The following ZNF423 variants were observed in gnomAD, a reference collection of about 807,000 sequenced individuals.
The protein encoded by ZNF423 is zinc finger protein 423.
ZNF423 carries 12 observed loss-of-function variants against 95.8 expected under a neutral mutation model. The observed-to-expected ratio is 0.13, with a 90% CI of 0.08 to 0.20. The LOEUF is 0.20. ZNF423 is among the 10% of genes least tolerant of loss of function. The pLI, the probability that ZNF423 is intolerant of heterozygous loss-of-function variation, is 1.00. For missense variants in ZNF423, 1,316 were observed against 1,737.1 expected (o/e 0.76, Z 4.31); for synonymous variants, 749 against 711.9 (o/e 1.05, Z -0.83).
intron 7 of ZNF423, among the ~76,000 whole-genome samples, chr16:49,501,859 T>G (rs893001760): frequency 2.7e-5 from 4 of 149,130 alleles, no homozygotes; most frequent in Admixed American, 1.3e-4. Flanking sequence ...TTGGGAGCAA[T>G]AGAAACTGGG....
intron 2 of ZNF423, among the ~76,000 whole-genome samples, chr16:49,771,110 A>C (rs541336720): frequency 4.1e-4 from 62 of 151,654 alleles, no homozygotes; most frequent in African/African-American, 1.4e-3. Context: ...ACTAAGCATA[A>C]CACCACCGAT....
intron 1 of ZNF423, among the ~76,000 whole-genome samples, chr16:49,830,845 A>G (rs1017313096): frequency 6.6e-6 from 1 of 152,084 alleles, no homozygotes; most frequent in Non-Finnish European, 1.5e-5. Context: ...TTCTCATCCT[A>G]GGAGATCTCA....
chr16:49,568,428 C>T (rs1970259312), intron 5 of ZNF423, among the ~76,000 whole-genome samples: 1 of 152,280 alleles, frequency 6.6e-6, no homozygotes, highest in East Asian at 1.9e-4. Context: ...GCCCTAGTTT[C>T]AGCAGCAGTG....
chr16:49,692,731 G>A (rs548492121), intron 3 of ZNF423, among the ~76,000 whole-genome samples: 5 of 152,224 alleles, frequency 3.3e-5, no homozygotes, highest in Non-Finnish European at 7.3e-5. Context: ...CAACATGCTA[G>A]ACAAAAGGCC....
chr16:49,838,774 G>A (rs1302893610), intron 1 of ZNF423, among the ~76,000 whole-genome samples: 2 of 151,800 alleles, frequency 1.3e-5, no homozygotes, highest in East Asian at 3.9e-4. Flanking sequence ...GAGCTGCGCA[G>A]CCTGCGCCTT....
At chr16:49,837,982 C>G (rs192077405) in intron 1 of ZNF423, among the ~76,000 whole-genome samples, 16 of 152,338 alleles carry the variant, frequency 1.1e-4, no homozygotes, top group African/African-American at 3.8e-4. Flanking sequence ...TGTCTTGCTA[C>G]TAAGCCGTAA....
chr16:49,812,057 C>T (rs753917901), intron 1 of ZNF423, among the ~76,000 whole-genome samples: 5 of 152,254 alleles, frequency 3.3e-5, no homozygotes, highest in Non-Finnish European at 5.9e-5. Context: ...CCGCTGAGCA[C>T]CGGTGACTAG....
At chr16:49,579,361 G>A (rs577255122) in intron 5 of ZNF423, among the ~76,000 whole-genome samples, 1 of 152,106 alleles carries the variant, frequency 6.6e-6, no homozygotes, top group South Asian at 2.1e-4. Flanking sequence ...GGGCCCTCAG[G>A]ATCCTTTAAT....
At chr16:49,536,098 C>G (rs1051133155) in intron 5 of ZNF423, among the ~76,000 whole-genome samples, 3 of 152,134 alleles carry the variant, frequency 2.0e-5, no homozygotes, top group Non-Finnish European at 4.4e-5. Flanking sequence ...CTGACAGTTA[C>G]CAACGGGCAC....
At chr16:49,825,530 G>A (rs946877477) in intron 1 of ZNF423, among the ~76,000 whole-genome samples, 6 of 151,884 alleles carry the variant, frequency 4.0e-5, no homozygotes, top group Non-Finnish European at 1.5e-5. Context: ...GGACTGAGGT[G>A]CAGGTCAGTA....
chr16:49,813,495 G>A (rs1163906677), intron 1 of ZNF423, among the ~76,000 whole-genome samples: 2 of 152,106 alleles, frequency 1.3e-5, no homozygotes, highest in Non-Finnish European at 2.9e-5. Flanking sequence ...GCCCTCCCCT[G>A]GGCCATGGCC....
At position 49,513,036 on chromosome 16, in the gene ZNF423, C is replaced by CA. The variant is rs535549455; in HGVS notation, c.3849+10587dup. Among the ~76,000 whole-genome samples the CA allele has an allele frequency of 3.7e-4, 56 of 152,284 alleles. 2 individuals are homozygous for CA. In the South Asian group the frequency reaches 0.011, roughly 31 times the overall value. ...ACTTGAACCCGGGAGGCGGAGATTG[C>CA]AGTGAGCCGAGATCGTGTTACTGCA... On this transcript the variant is annotated intron_variant, in intron 7 of 7. Transcript: ENST00000563137.
intron 3 of ZNF423, among the ~76,000 whole-genome samples, chr16:49,642,430 C>G (rs1409761717): frequency 6.6e-6 from 1 of 152,170 alleles, no homozygotes; most frequent in Non-Finnish European, 1.5e-5. Flanking sequence ...AGGCTGGCTG[C>G]TTGGCTTTAT....
At chr16:49,528,954 G>A (rs1366090667) in intron 5 of ZNF423, among the ~76,000 whole-genome samples, 2 of 152,036 alleles carry the variant, frequency 1.3e-5, no homozygotes, top group African/African-American at 2.4e-5. Context: ...TCCGCCGATA[G>A]TGGCACCCTC....
chr16:49,749,166 C>T (rs539783553), intron 2 of ZNF423, among the ~76,000 whole-genome samples: 1 of 152,284 alleles, frequency 6.6e-6, no homozygotes, highest in African/African-American at 2.4e-5. Flanking sequence ...AAGACAGAAG[C>T]CCCAGAAGTG....
chr16:49,721,392 G>A (rs959431648), intron 3 of ZNF423, among the ~76,000 whole-genome samples: 1 of 152,062 alleles, frequency 6.6e-6, no homozygotes, highest in Non-Finnish European at 1.5e-5. Flanking sequence ...TTGCTGACAG[G>A]TGCCCTCTGG....
chr16:49,830,902 C>T (rs754650346), intron 1 of ZNF423, among the ~76,000 whole-genome samples: 4 of 152,140 alleles, frequency 2.6e-5, no homozygotes, highest in Non-Finnish European at 5.9e-5. Flanking sequence ...GCACATCTTG[C>T]AGCTCGAAGC....
At chr16:49,498,773 C>G (rs1967264838) in intron 7 of ZNF423, among the ~76,000 whole-genome samples, 1 of 152,082 alleles carries the variant, frequency 6.6e-6, no homozygotes, top group South Asian at 2.1e-4. Flanking sequence ...CTGGGCAGCC[C>G]CTCTCTGCTT....
intron 5 of ZNF423, among the ~76,000 whole-genome samples, chr16:49,605,067 G>A (rs891748812): frequency 9.2e-5 from 14 of 152,218 alleles, no homozygotes; most frequent in African/African-American, 3.4e-4. Context: ...CTCTTGCCAA[G>A]GGTATTGAGG....
Sources: allele counts gnomAD v4.1 joint callset (sites outside exome capture counted in the v4.1 genomes callset), GRCh38; gene constraint gnomAD v4.1.1; transcripts MANE v1.5; gene names NCBI Gene and HGNC (gene_info 2026-07-23, HGNC 2026-07-21).